Variants in MBTPS2 observed in about 807,000 individuals in gnomAD.
MBTPS2 encodes membrane bound transcription factor peptidase, site 2.
MBTPS2 carries 2 observed loss-of-function variants against 35.4 expected under a neutral mutation model. The observed-to-expected ratio is 0.06, with a 90% confidence interval of 0.02 to 0.18. MBTPS2 has a LOEUF of 0.18. MBTPS2 is among the 10% of genes least tolerant of loss of function. MBTPS2 has a pLI of 1.00. For missense variants in MBTPS2, 244 were observed against 386.5 expected (o/e 0.63, Z 3.09); for synonymous variants, 125 against 140.4 (o/e 0.89, Z 0.77).
At position 21,869,566 on chromosome X, in the gene MBTPS2, T is replaced by G. The variant is rs2092944594; in HGVS notation, c.858T>G (p.Pro286=). 4.1e-6 allele frequency: 5 copies of G among 1,209,655 alleles called. No individual in the cohort carries two copies. Among genetic ancestry groups the G allele is most frequent in the Non-Finnish European group, 4.5e-6 (4 of 893,507 alleles). ...GDLVTHLQDC[P]VTNVQDWNEC... is the part of the protein sequence containing the mutation. Reference sequence around the variant, plus strand: ...TTGTCACCCATCTACAGGATTGTCCTGTTACTAATGTGCAAGATTGGAATG... The same window carrying G: ...TTGTCACCCATCTACAGGATTGTCCGGTTACTAATGTGCAAGATTGGAATG... The change falls in exon 7 of 11, where the codon CCT becomes CCG. Residue 286 remains proline, a synonymous_variant. Coordinates refer to ENST00000379484, the MANE Select transcript of MBTPS2 (RefSeq NM_015884.4).
In MBTPS2 at chrX:21,884,088, A is replaced by C; in HGVS notation, c.*1433A>C. The C allele has an allele frequency of 1.3e-6, 1 of 749,289 alleles. No homozygotes were observed. The highest frequency in any genetic ancestry group is 1.6e-6 in the Non-Finnish European group (1 of 634,432). 61.7% of individuals were successfully genotyped at this position (749,289 alleles called of 1,213,427 possible). On this transcript the variant is annotated 3_prime_UTR_variant, in exon 11 of 11. Coordinates refer to ENST00000379484, the MANE Select transcript of MBTPS2 (RefSeq NM_015884.4). ...TTATTGAGTTGCTCTGTAAGCACTA[A>C]AACTTTTTAATCATTTTTAAGAAAC...
chrX:21,877,380 T>C (rs1405284582), intron 7 of MBTPS2, among the ~76,000 whole-genome samples: 1 of 111,950 alleles, frequency 8.9e-6, no homozygotes, highest in Non-Finnish European at 1.9e-5. Context: ...AGGTGGAGGT[T>C]ACAGTGAGCA....
intron 5 of MBTPS2, among the ~76,000 whole-genome samples, chrX:21,853,782 A>G (rs781714689): frequency 1.7e-4 from 19 of 111,817 alleles, no homozygotes; most frequent in South Asian, 1.5e-3. Context: ...AAGAATGTCA[A>G]CTCAGCTGAA....
chrX:21,852,763 T>C (rs28683061), intron 4 of MBTPS2, among the ~76,000 whole-genome samples: 9,447 of 110,275 alleles, frequency 0.086, 324 homozygotes, highest in East Asian at 0.12. Context: ...ACTTAAATAT[T>C]AATTTTTGGA....
chrX:21,874,977 A>G (rs2147451652), intron 7 of MBTPS2, among the ~76,000 whole-genome samples: 1 of 112,826 alleles, frequency 8.9e-6, no homozygotes, highest in African/African-American at 3.2e-5. Context: ...TAACTGTTTA[A>G]GCCTATAACT....
chrX:21,877,234 G>T, intron 7 of MBTPS2, among the ~76,000 whole-genome samples: 1 of 111,689 alleles, frequency 9.0e-6, no homozygotes, highest in East Asian at 2.8e-4. Flanking sequence ...TTGAGGTCAG[G>T]AGTTCGAGAC....
Position 21,843,257 on chromosome X carries a change from G to A in MBTPS2, c.163G>A (p.Ala55Thr). Residue 55 changes from alanine to threonine, a missense_variant, in exon 2 of 11, where the codon GCT (alanine) becomes ACT (threonine). Coordinates refer to ENST00000379484, the MANE Select transcript of MBTPS2 (RefSeq NM_015884.4). ...CCCTTTCCACATAAGATGGCAAACTGCTGTTTTCAATCGTGCCTTTTACAG... is the reference window on the plus strand; with the variant it reads ...CCCTTTCCACATAAGATGGCAAACTACTGTTTTCAATCGTGCCTTTTACAG... ...ISPFHIRWQT[A>T]VFNRAFYSWG... is the part of the protein sequence containing the mutation. 1 of 1,210,807 alleles carries A rather than the reference G, an allele frequency of 8.3e-7. No individual in the cohort carries two copies. Among genetic ancestry groups the A allele is most frequent in the Non-Finnish European group, 1.1e-6 (1 of 894,560 alleles).
At chrX:21,849,072 G>A (rs1372383506) in intron 3 of MBTPS2, among the ~76,000 whole-genome samples, 2 of 111,027 alleles carry the variant, frequency 1.8e-5, no homozygotes, top group Non-Finnish European at 3.8e-5. Flanking sequence ...AAATTAAGAA[G>A]GTACGGAGAT....
At chrX:21,859,557 A>G (rs2092928566) in intron 5 of MBTPS2, among the ~76,000 whole-genome samples, 1 of 107,167 alleles carries the variant, frequency 9.3e-6, no homozygotes. Context: ...TTGCTTGTAG[A>G]ATATATTGTG....
chrX:21,843,075 T>C (rs1476228416), intron 1 of MBTPS2, 95 bp from the exon 2 acceptor site: 2 of 733,802 alleles, frequency 2.7e-6, no homozygotes, highest in Admixed American at 4.7e-5. Context: ...AGTCAGCATC[T>C]TAATTTCCTC....
intron 5 of MBTPS2, among the ~76,000 whole-genome samples, chrX:21,861,096 C>T (rs1416449275): frequency 9.0e-6 from 1 of 111,640 alleles, no homozygotes; most frequent in Non-Finnish European, 1.9e-5. Context: ...ATTAATAAGA[C>T]AACTCAATCA....
At chrX:21,872,842 A>G (rs2092948765) in intron 7 of MBTPS2, 1 of 107,497 alleles carries the variant, frequency 9.3e-6, no homozygotes, top group African/African-American at 3.4e-5. Flanking sequence ...TTTTGATGGC[A>G]GGCTTAGCCC....
chrX:21,865,529 C>A (rs2092938618), intron 5 of MBTPS2, among the ~76,000 whole-genome samples: 1 of 112,179 alleles, frequency 8.9e-6, no homozygotes, highest in Admixed American at 9.5e-5. Flanking sequence ...ATATTGAAAA[C>A]CCTGTTCTTA....
In MBTPS2 at chrX:21,851,608, A is replaced by T; in HGVS notation, c.538A>T (p.Ile180Phe). The change falls in exon 4 of 11, where the codon ATT becomes TTT. Residue 180 changes from isoleucine to phenylalanine, a missense_variant. Ile to Phe is a conservative substitution (Grantham distance 21). Coordinates refer to ENST00000379484, the MANE Select transcript of MBTPS2 (RefSeq NM_015884.4). The stretch of plus-strand genomic sequence containing the variant: ...TGAAATTGGACATGGGATAGCAGCT[A>T]TTAGGTAATGATATTTACCTTTTTC... Reference protein sequence around the residue: ...VHEIGHGIAAIREQVRFNGFG... With the variant: ...VHEIGHGIAAFREQVRFNGFG... 1 of 1,155,154 alleles carries T rather than the reference A, an allele frequency of 8.7e-7. No individual in the cohort carries two copies. Among genetic ancestry groups the T allele is most frequent in the African/African-American group, 1.8e-5 (1 of 56,366 alleles).
chrX:21,857,735 C>A, intron 5 of MBTPS2: 1 of 771,225 alleles, frequency 1.3e-6, no homozygotes, highest in Non-Finnish European at 1.8e-6. Flanking sequence ...ATTTAAGGTT[C>A]GTGTTTTGTT....
chrX:21,856,358 C>T (rs1482857206), intron 5 of MBTPS2: 3 of 686,794 alleles, frequency 4.4e-6, no homozygotes, highest in African/African-American at 2.3e-5. Context: ...CTGCAGCTCG[C>T]GCCTTTCTCT....
At position 21,869,605 on chromosome X, in the gene MBTPS2, C is replaced by G; in HGVS notation, c.897C>G (p.Thr299=). Residue 299 remains threonine (T), a synonymous_variant, in exon 7 of 11, where the codon ACC becomes ACG. Coordinates refer to ENST00000379484, the MANE Select transcript of MBTPS2 (RefSeq NM_015884.4). ...AAGATTGGAATGAATGTTTAGATAC[C>G]ATCGCCTATGAGCCCCAAATTGGTT... ...NVQDWNECLD[T]IAYEPQIGYC... is the part of the protein sequence containing the mutation. 8.3e-7 allele frequency: 1 copy of G among 1,209,239 alleles called. No individual in the cohort carries two copies. Among genetic ancestry groups the G allele is most frequent in the Non-Finnish European group, 1.1e-6 (1 of 893,405 alleles).
chrX:21,851,880 A>G (rs1431801563), intron 4 of MBTPS2, among the ~76,000 whole-genome samples: 2 of 111,568 alleles, frequency 1.8e-5, no homozygotes, highest in African/African-American at 6.5e-5. Context: ...GGTTATCCTC[A>G]TGATGCCTCA....
At chrX:21,853,235 A>T (rs183864199) in intron 4 of MBTPS2, 141 bp from the exon 5 acceptor site, 2 of 403,328 alleles carry the variant, frequency 5.0e-6, no homozygotes, top group East Asian at 4.5e-5. Context: ...TATAGATATA[A>T]TTTTTTTGGC....
Sources: gnomAD v4.1 joint callset for allele counts (sites outside exome capture counted in the v4.1 genomes callset) on GRCh38, gnomAD v4.1.1 for gene constraint, MANE v1.5 for transcripts, NCBI Gene and HGNC (gene_info 2026-07-23, HGNC 2026-07-21) for gene names.